PAK5: variants seen among roughly 807,000 people sequenced by gnomAD.
PAK5 encodes serine/threonine-protein kinase PAK 5.
PAK5 carries 16 observed loss-of-function variants against 65.9 expected under a neutral mutation model. The observed-to-expected ratio is 0.24, with a 90% CI of 0.16 to 0.37. The LOEUF (loss-of-function observed/expected upper bound fraction) is 0.37. PAK5 is among the 10% of genes least tolerant of loss of function. PAK5 has a pLI of 1.00. For synonymous variants in PAK5, 371 were observed against 354.9 expected, an observed-to-expected ratio of 1.05 and a Z score of -0.51; for missense variants, 785 against 903.9, an observed-to-expected ratio of 0.87 and a Z score of 1.69.
intron 3 of PAK5, among the ~76,000 whole-genome samples, chr20:9,625,355 A>G (rs2046829350): frequency 6.6e-6 from 1 of 152,180 alleles, no homozygotes; most frequent in South Asian, 2.1e-4. Context: ...ATCTACCCTT[A>G]ATTGAAGAGC....
At chr20:9,611,651 G>GTTT (rs1464703937) in intron 3 of PAK5, among the ~76,000 whole-genome samples, 1 of 152,188 alleles carries the variant, frequency 6.6e-6, no homozygotes, top group Non-Finnish European at 1.5e-5. Flanking sequence ...ACTTCAGCCT[G>GTTT]TCTGTTTGTT....
chr20:9,626,734 C>A (rs1292948860), intron 3 of PAK5, among the ~76,000 whole-genome samples: 177 of 152,250 alleles, frequency 1.2e-3, no homozygotes, highest in African/African-American at 3.9e-3. Flanking sequence ...GCCATACTTA[C>A]AGTTTGGACT....
intron 7 of PAK5, among the ~76,000 whole-genome samples, chr20:9,551,090 G>A (rs2045420937): frequency 6.6e-6 from 1 of 152,088 alleles, no homozygotes; most frequent in Non-Finnish European, 1.5e-5. Flanking sequence ...GCTTTTGCAT[G>A]ATACTTTAAT....
intron 1 of PAK5, among the ~76,000 whole-genome samples, chr20:9,823,825 A>T (rs565292956): frequency 2.6e-4 from 40 of 152,300 alleles, no homozygotes; most frequent in Admixed American, 9.2e-4. Context: ...CTGGGGGGGA[A>T]ATCCTAACTA....
chr20:9,564,822 GATT>G (rs1261299734), intron 5 of PAK5, among the ~76,000 whole-genome samples: 1 of 151,936 alleles, frequency 6.6e-6, no homozygotes, highest in Non-Finnish European at 1.5e-5. Context: ...TACGATAAAA[GATT>G]ATTAAGCCAT....
intron 1 of PAK5, among the ~76,000 whole-genome samples, chr20:9,733,952 C>T (rs970567109): frequency 2.0e-5 from 3 of 152,146 alleles, no homozygotes; most frequent in Non-Finnish European, 4.4e-5. Flanking sequence ...AGAGTTCCTA[C>T]ACTGGTTTTA....
chr20:9,689,271 A>G (rs1024359254), intron 2 of PAK5, among the ~76,000 whole-genome samples: 3 of 152,138 alleles, frequency 2.0e-5, no homozygotes, highest in Admixed American at 2.0e-4. Flanking sequence ...CAGAAAGAGG[A>G]GGAAATAAGG....
intron 1 of PAK5, among the ~76,000 whole-genome samples, chr20:9,749,720 T>C (rs1225140620): frequency 6.6e-6 from 1 of 152,200 alleles, no homozygotes; most frequent in Non-Finnish European, 1.5e-5. Context: ...TTCTGATCCA[T>C]GACAAGACAA....
At chr20:9,729,321 C>T (rs2048310356) in intron 1 of PAK5, among the ~76,000 whole-genome samples, 1 of 151,990 alleles carries the variant, frequency 6.6e-6, no homozygotes, top group African/African-American at 2.4e-5. Flanking sequence ...CATAAAACTT[C>T]TGTTTGTAGT....
rs2047343188 is a variant in PAK5, at chr20:9,661,296, C to G, written c.-11-16957G>C. 2.0e-5 allele frequency among the ~76,000 whole-genome samples: 3 copies of G among 152,132 alleles called. No homozygotes were observed. The South Asian group carries it at 6.2e-4, about 31-fold the overall frequency. ...AAATATGGCATTTTGACATGCTGAA[C>G]TGAAGAAGCCTCAAGGATCCTCTGG... On this transcript the variant is annotated intron_variant, in intron 2 of 9. Coordinates refer to ENST00000353224, the MANE Select transcript of PAK5 (RefSeq NM_177990.4).
chr20:9,546,610 G>C (rs1231102394), intron 7 of PAK5, among the ~76,000 whole-genome samples: 2 of 152,164 alleles, frequency 1.3e-5, no homozygotes, highest in Admixed American at 6.6e-5. Flanking sequence ...GGCATTACAG[G>C]AGACCGAAGA....
At chr20:9,716,644 T>A in intron 1 of PAK5, among the ~76,000 whole-genome samples, 1 of 152,184 alleles carries the variant, frequency 6.6e-6, no homozygotes. Context: ...ATCAAGTAAA[T>A]ATTAGATATC....
chr20:9,755,159 T>C (rs1034104630), intron 1 of PAK5, among the ~76,000 whole-genome samples: 3 of 152,310 alleles, frequency 2.0e-5, no homozygotes, highest in African/African-American at 4.8e-5. Flanking sequence ...ACTCTACTTA[T>C]TATACTCAGG....
At chr20:9,606,853 G>A (rs543567901) in intron 3 of PAK5, among the ~76,000 whole-genome samples, 1 of 152,170 alleles carries the variant, frequency 6.6e-6, no homozygotes, top group South Asian at 2.1e-4. Flanking sequence ...AGGGGTGAGA[G>A]AGTATAGGCC....
chr20:9,758,542 C>T (rs372310660), intron 1 of PAK5, among the ~76,000 whole-genome samples: 48 of 152,248 alleles, frequency 3.2e-4, no homozygotes, highest in African/African-American at 9.9e-4. Flanking sequence ...GAAGCCAGCT[C>T]GCATAGAACA....
intron 3 of PAK5, among the ~76,000 whole-genome samples, chr20:9,590,100 TA>T (rs1386442462): frequency 6.6e-6 from 1 of 151,800 alleles, no homozygotes; most frequent in Admixed American, 6.6e-5. Flanking sequence ...TTATTCTGGG[TA>T]GCTAGGAATA....
intron 2 of PAK5, among the ~76,000 whole-genome samples, chr20:9,672,084 A>G (rs1015612682): frequency 6.6e-6 from 1 of 152,068 alleles, no homozygotes; most frequent in Non-Finnish European, 1.5e-5. Context: ...AGGACAAAAA[A>G]AACTAGATTT....
intron 1 of PAK5, among the ~76,000 whole-genome samples, chr20:9,713,632 AATAG>A (rs73613699): frequency 0.67 from 101,635 of 151,310 alleles, 34,347 homozygotes; most frequent in East Asian, 0.84. Context: ...TCACTGAAAG[AATAG>A]ATAAAGAAAA....
At chr20:9,622,972 T>C (rs1456277077) in intron 3 of PAK5, among the ~76,000 whole-genome samples, 1 of 152,234 alleles carries the variant, frequency 6.6e-6, no homozygotes, top group African/African-American at 2.4e-5. Context: ...GAATGATGTG[T>C]TATAAAATTG....
Sources: allele counts gnomAD v4.1 joint callset (sites outside exome capture counted in the v4.1 genomes callset), GRCh38; gene constraint gnomAD v4.1.1; transcripts MANE v1.5; gene names NCBI Gene and HGNC (gene_info 2026-07-23, HGNC 2026-07-21).